Variants in POLR1C observed in about 807,000 individuals in gnomAD.
POLR1C encodes RNA polymerase I and III subunit C.
In POLR1C, 42 loss-of-function variants were observed where a neutral mutation model predicts 38.3. The observed-to-expected ratio is 1.10, with a 90% CI of 0.86 to 1.42. The LOEUF is 1.42. Ranked by LOEUF, POLR1C falls within the 40% of genes most tolerant of loss-of-function variation. The probability of loss-of-function intolerance (pLI) is 0.00; values close to 1 mark genes in which losing one functional copy is unlikely to be tolerated. For synonymous variants in POLR1C, 163 were observed against 163.9 expected, an observed-to-expected ratio of 0.99 and a Z score of 0.04; for missense variants, 507 against 450.5, an observed-to-expected ratio of 1.13 and a Z score of -1.14.
intron 9 of POLR1C, chr6:43,549,346 G>A: frequency 3.9e-6 from 3 of 761,768 alleles, no homozygotes; most frequent in Non-Finnish European, 6.0e-6. Flanking sequence ...TTACAGGTGT[G>A]AGCCACCATG....
At chr6:43,560,295 G>T in intron 10 of POLR1C, 1 of 1,606,684 alleles carries the variant, frequency 6.2e-7, no homozygotes, top group Admixed American at 1.7e-5. Context: ...GAGTTGAAGA[G>T]CGTAGAAACT....
intron 9 of POLR1C, among the ~76,000 whole-genome samples, chr6:43,537,013 C>T (rs1346469654): frequency 6.6e-6 from 1 of 152,134 alleles, no homozygotes; most frequent in East Asian, 1.9e-4. Flanking sequence ...ACTGCCCAGG[C>T]TGGATTGCAG....
chr6:43,550,412 T>A (rs1795172170), intron 9 of POLR1C, among the ~76,000 whole-genome samples: 1 of 152,232 alleles, frequency 6.6e-6, no homozygotes, highest in Non-Finnish European at 1.5e-5. Context: ...AGCCCACTTT[T>A]CTGAAGTCCT....
chr6:43,527,874 T>C, intron 8 of POLR1C: 1 of 804,454 alleles, frequency 1.2e-6, no homozygotes, highest in Non-Finnish European at 2.0e-6. Context: ...TGGACAGCAG[T>C]GATCCACTGA....
At chr6:43,547,569 C>G in intron 9 of POLR1C, 2 of 1,589,956 alleles carry the variant, frequency 1.3e-6, no homozygotes, top group Non-Finnish European at 1.7e-6. Flanking sequence ...TACTCCTACC[C>G]ATGGCCAATG....
intron 8 of POLR1C, chr6:43,527,794 C>A: frequency 6.4e-7 from 1 of 1,562,782 alleles, no homozygotes; most frequent in Non-Finnish European, 8.8e-7. Context: ...AGGAAAGCAG[C>A]GACCCTAATC....
chr6:43,519,117 T>C (rs1561856750), intron 2 of POLR1C: 3 of 600,658 alleles, frequency 5.0e-6, no homozygotes, highest in East Asian at 5.8e-5. Flanking sequence ...TTGGAAGCCA[T>C]ATTGCATAGG....
downstream of POLR1C, chr6:43,525,287 G>C: frequency 7.2e-7 from 1 of 1,394,268 alleles, no homozygotes; most frequent in South Asian, 1.3e-5. Context: ...TACACATCAG[G>C]AGCCGGAGGG....
Position 43,517,163 on chromosome 6 carries a change from G to A in POLR1C, c.54G>A (p.Glu18=), listed in dbSNP as rs764052523. The change falls in exon 1 of 9, where the codon GAG becomes GAA. Residue 18 remains glutamate (E), a synonymous_variant. Transcript: ENST00000642195. The stretch of plus-strand genomic sequence containing the variant: ...TGCGGAGCCGCGTGGTTCTGGGGGA[G>A]TTTGGGGTTCGCAATGTAAGCCTTG... ...EEMRSRVVLG[E]FGVRNVHTTD... 2.5e-6 allele frequency: 4 copies of A among 1,614,188 alleles called. No homozygotes were observed. The South Asian group carries it at 3.3e-5, about 13-fold the overall frequency.
downstream of POLR1C, among the ~76,000 whole-genome samples, chr6:43,521,685 CTA>C (rs1793199513): frequency 6.6e-6 from 1 of 152,100 alleles, no homozygotes; most frequent in African/African-American, 2.4e-5. Context: ...CCACACCTAG[CTA>C]TATGTCTAAT....
At chr6:43,553,528 C>CAT in intron 10 of POLR1C, 1 of 695,740 alleles carries the variant, frequency 1.4e-6, no homozygotes, top group South Asian at 2.5e-5. Flanking sequence ...CACACACATA[C>CAT]ACACACACAC....
intron 9 of POLR1C, chr6:43,539,555 G>C (rs1189005684): frequency 1.4e-6 from 2 of 1,391,690 alleles, no homozygotes; most frequent in Non-Finnish European, 2.0e-6. Flanking sequence ...GCCTCCGCGA[G>C]CTCCGCGGCC....
At chr6:43,534,804 C>T (rs1412519854) in intron 9 of POLR1C, among the ~76,000 whole-genome samples, 1 of 151,882 alleles carries the variant, frequency 6.6e-6, no homozygotes, top group Admixed American at 6.6e-5. Context: ...TCAAGACCAG[C>T]CTGGCCAACA....
intron 10 of POLR1C, among the ~76,000 whole-genome samples, chr6:43,559,978 T>C (rs527292352): frequency 6.6e-6 from 1 of 152,268 alleles, no homozygotes; most frequent in East Asian, 1.9e-4. Context: ...CAACATGCCC[T>C]GCTAATTTTT....
intron 9 of POLR1C, chr6:43,548,264 T>C (rs1194124063): frequency 6.8e-6 from 11 of 1,608,100 alleles, no homozygotes; most frequent in Non-Finnish European, 9.3e-6. Flanking sequence ...CCTTTACCTG[T>C]GCATGTCTTG....
At chr6:43,538,154 T>G (rs1794465912) in intron 9 of POLR1C, among the ~76,000 whole-genome samples, 1 of 135,986 alleles carries the variant, frequency 7.4e-6, no homozygotes, top group Non-Finnish European at 1.6e-5. Context: ...TTTTTTTTTT[T>G]TTTTTTTTTT....
rs1419881703 is a variant in POLR1C, at chr6:43,519,451, G to C, written c.249+11G>C. The C allele has an allele frequency of 1.3e-6, 2 of 1,589,780 alleles. No homozygotes were observed. Among genetic ancestry groups the C allele is most frequent in the Admixed American group, 1.7e-5 (1 of 59,984 alleles). The stretch of plus-strand genomic sequence containing the variant: ...ATTCTGCTAGCTGAGGTATTGGCAG[G>C]CATGGTGACAAGGCTGGAGTTGCTT... On this transcript the variant is annotated intron_variant, in intron 3 of 8. Coordinates refer to ENST00000642195, the MANE Select transcript of POLR1C (RefSeq NM_203290.4).
downstream of POLR1C, chr6:43,521,594 A>G (rs970320368): frequency 1.4e-5 from 8 of 552,490 alleles, no homozygotes; most frequent in African/African-American, 2.0e-5. Flanking sequence ...GTGCAATCTC[A>G]GCTCACTGCA....
chr6:43,550,056 G>T, intron 9 of POLR1C: 2 of 1,002,260 alleles, frequency 2.0e-6, no homozygotes, highest in Non-Finnish European at 3.0e-6. Context: ...TTAGCCTTCT[G>T]AGTAGCTGGG....
Sources: gnomAD v4.1 joint callset for allele counts (sites outside exome capture counted in the v4.1 genomes callset) on GRCh38, gnomAD v4.1.1 for gene constraint, MANE v1.5 for transcripts, NCBI Gene and HGNC (gene_info 2026-07-23, HGNC 2026-07-21) for gene names.